Variants in BRWD1 observed in about 807,000 individuals in gnomAD.
BRWD1 encodes bromodomain and WD repeat domain containing 1.
BRWD1 carries 82 observed loss-of-function variants against 251.2 expected under a neutral mutation model. That is an observed-to-expected ratio of 0.33 (90% CI 0.27 to 0.39). The LOEUF is 0.39. Among genes scored for constraint, BRWD1 ranks in the 10% least tolerant of loss-of-function variants. BRWD1 has a pLI of 1.00. For missense variants in BRWD1, 2,233 were observed against 2,711.6 expected (o/e 0.82, Z 3.92); for synonymous variants, 918 against 902.8 (o/e 1.02, Z -0.30).
rs547598239 is a variant in BRWD1 at position 39,258,742 on chromosome 21, A to T, written c.1886-70T>A. Reference sequence around the variant, plus strand: ...ACAAAAAAAAATTTCGTTAGGGTACAAATTAAAATACATTAACAATGGTCA... The same window carrying T: ...ACAAAAAAAAATTTCGTTAGGGTACTAATTAAAATACATTAACAATGGTCA... On this transcript the variant is annotated intron_variant, in intron 17 of 40. Coordinates refer to ENST00000342449, the MANE Select transcript of BRWD1 (RefSeq NM_033656.4). 4 of 1,069,614 alleles carry T rather than the reference A, an allele frequency of 3.7e-6. No homozygotes were observed. In the Admixed American group the frequency reaches 1.2e-4, roughly 33 times the overall value. The allele number at this position is 1,069,614 out of a possible 1,614,324, so 66.3% of individuals were successfully genotyped here.
intron 20 of BRWD1, among the ~76,000 whole-genome samples, chr21:39,248,641 C>CAAAAAAAAAAAAAAAAAAAAAAAAAAAA (rs375430016): frequency 1.2e-5 from 1 of 83,284 alleles, no homozygotes; most frequent in East Asian, 4.0e-4. Flanking sequence ...CCCTATCTCC[C>CAAAAAAAAAAAAAAAAAAAAAAAAAAAA]AAAAAAAAAA....
At chr21:39,291,783 A>G (rs952086865) in intron 8 of BRWD1, among the ~76,000 whole-genome samples, 2 of 152,132 alleles carry the variant, frequency 1.3e-5, no homozygotes, top group Non-Finnish European at 2.9e-5. Flanking sequence ...GTGCATCTGC[A>G]CACCCTGTGC....
chr21:39,298,064 A>T, intron 5 of BRWD1: 1 of 989,870 alleles, frequency 1.0e-6, no homozygotes, highest in Non-Finnish European at 1.2e-6. Context: ...CTAAATATCA[A>T]ATGAAATACC....
At chr21:39,274,256 G>A (rs2035207419) in intron 13 of BRWD1, 118 bp downstream of exon 13, 1 of 751,442 alleles carries the variant, frequency 1.3e-6, no homozygotes, top group South Asian at 1.6e-5. Flanking sequence ...CGTAATAGAA[G>A]GTAGCTATAA....
chr21:39,276,029 T>C, intron 12 of BRWD1, 144 bp downstream of exon 12: 1 of 633,120 alleles, frequency 1.6e-6, no homozygotes, highest in Non-Finnish European at 2.1e-6. Context: ...CGAAACTCCA[T>C]CTCAAAAAAT....
At chr21:39,312,790 G>GGC in intron 4 of BRWD1, 51 bp downstream of exon 4, 2 of 1,478,828 alleles carry the variant, frequency 1.4e-6, no homozygotes, top group Non-Finnish European at 1.9e-6. Flanking sequence ...AGGGGCGGGG[G>GGC]CGGGGGGCGG....
chr21:39,204,405 A>G (rs1270051910), intron 37 of BRWD1, among the ~76,000 whole-genome samples: 1 of 152,088 alleles, frequency 6.6e-6, no homozygotes, highest in African/African-American at 2.4e-5. Context: ...CAATTTTTAT[A>G]CTGTAACAAC....
chr21:39,297,775 TGTATACTCA>T (rs1241951436), intron 5 of BRWD1: 1 of 657,688 alleles, frequency 1.5e-6, no homozygotes, highest in African/African-American at 2.0e-5. Flanking sequence ...ATGAACTTGA[TGTATACTCA>T]GCATCAGAAG....
chr21:39,225,092 A>G lies in BRWD1; in HGVS notation c.3314T>C (p.Ile1105Thr). 1 of 1,594,776 alleles carries G rather than the reference A, an allele frequency of 6.3e-7. No individual in the cohort carries two copies. The highest frequency in any genetic ancestry group is 8.6e-7 in the Non-Finnish European group (1 of 1,162,556). ...QYPDSHFQCY[I>T]VRWDNTEIEK... is the part of the protein sequence containing the mutation. The stretch of plus-strand genomic sequence containing the variant: ...TTTTCATCTGTATACAAACCTAACA[A>G]TATAACACTGGAAATGACTATCAGG... The change falls in exon 28 of 41, where the codon ATT becomes ACT. Residue 1105 changes from isoleucine to threonine, a missense_variant. Around this residue, in one of 12 missense-constraint regions of BRWD1, gnomAD observed 139 missense variants for 272.8 expected, o/e 0.51. Coordinates refer to ENST00000342449, the MANE Select transcript of BRWD1 (RefSeq NM_033656.4).
At chr21:39,273,564 T>C (rs2035185331) in intron 13 of BRWD1, among the ~76,000 whole-genome samples, 1 of 151,946 alleles carries the variant, frequency 6.6e-6, no homozygotes, top group African/African-American at 2.4e-5. Flanking sequence ...ACAAAAGTCT[T>C]TACAAAAAAT....
chr21:39,307,348 T>G (rs1254437317), intron 4 of BRWD1, among the ~76,000 whole-genome samples: 1 of 152,176 alleles, frequency 6.6e-6, no homozygotes, highest in Admixed American at 6.5e-5. Context: ...GTAATTTTTT[T>G]TACTCTATCA....
Position 39,200,320 on chromosome 21 carries a change from C to G in BRWD1, c.4652G>C (p.Ser1551Thr), listed in dbSNP as rs1454958706. ...TTCACGAGCTCTGGAACTCTCTTTG[C>G]TTTCCTCAGAACTACTGGAAGCTGA... Reference protein sequence around the residue: ...SSSASSSSEESKESSRARESS... With the variant: ...SSSASSSSEETKESSRARESS... Residue 1551 changes from serine to threonine, a missense_variant, in exon 39 of 41, where the codon AGC (serine) becomes ACC (threonine). This residue lies in a region of BRWD1 where 928 missense variants were observed against 970.0 expected (regional missense o/e 0.96). Transcript: ENST00000342449. The G allele has an allele frequency of 6.2e-7, 1 of 1,614,138 alleles. No homozygotes were observed. The highest frequency in any genetic ancestry group is 1.7e-5 in the Admixed American group (1 of 60,022).
chr21:39,217,074 TA>T (rs1568878135), intron 31 of BRWD1: 23 of 10,776 alleles, frequency 2.1e-3, no homozygotes, highest in African/African-American at 8.0e-3. Context: ...TATATATATA[TA>T]TATATATATT....
intron 1 of BRWD1, among the ~76,000 whole-genome samples, chr21:39,320,842 A>AT (rs1352976380): frequency 2.0e-5 from 3 of 151,116 alleles, no homozygotes; most frequent in Non-Finnish European, 4.4e-5. Context: ...TAATTTTTGT[A>AT]TTTTTAGTAA....
Position 39,232,999 on chromosome 21 carries a change from A to T in BRWD1, c.2767-501T>A, listed in dbSNP as rs185723836. Among the ~76,000 whole-genome samples the T allele has an allele frequency of 6.6e-5, 10 of 152,284 alleles. No individual in the cohort carries two copies. In the East Asian group the frequency reaches 1.9e-3, roughly 29 times the overall value. Reference sequence around the variant, plus strand: ...ACTTAATGACTCACTTCTACCAAATATAATAAAGCCGATGAGACTATGTGC... The same window carrying T: ...ACTTAATGACTCACTTCTACCAAATTTAATAAAGCCGATGAGACTATGTGC... On this transcript the variant is annotated intron_variant, in intron 23 of 40. Transcript: ENST00000342449.
intron 10 of BRWD1, 30 bp downstream of exon 10, chr21:39,278,713 A>AC: frequency 6.6e-7 from 1 of 1,520,838 alleles, no homozygotes; most frequent in East Asian, 2.3e-5. Context: ...AAAAAAAAAA[A>AC]CTAAGAAAAA....
chr21:39,207,716 C>T (rs2032472956), intron 36 of BRWD1, among the ~76,000 whole-genome samples: 1 of 152,072 alleles, frequency 6.6e-6, no homozygotes, highest in Admixed American at 6.5e-5. Flanking sequence ...TTTGCTGCAG[C>T]ATTACTCGTA....
At chr21:39,213,460 T>C in intron 33 of BRWD1, 21 bp downstream of exon 33, 1 of 1,597,174 alleles carries the variant, frequency 6.3e-7, no homozygotes, top group South Asian at 1.1e-5. Context: ...AAAACCATTA[T>C]AAAATCAACA....
At chr21:39,263,206 A>G (rs571059272) in intron 17 of BRWD1, among the ~76,000 whole-genome samples, 2 of 152,388 alleles carry the variant, frequency 1.3e-5, no homozygotes, top group South Asian at 4.1e-4. Context: ...CATTTGAAAT[A>G]GCAACCATAT....
Sources: gnomAD v4.1 joint callset for allele counts (sites outside exome capture counted in the v4.1 genomes callset) on GRCh38, gnomAD v4.1.1 for gene constraint, gnomAD v4.1.1 regional missense constraint, MANE v1.5 for transcripts, NCBI Gene and HGNC (gene_info 2026-07-23, HGNC 2026-07-21) for gene names.